The following TMEM94 variants were observed in gnomAD, a reference collection of about 807,000 sequenced individuals.
The protein encoded by TMEM94 is ER Mg2+ ATPase.
Under a neutral mutation model 158.6 loss-of-function variants are expected in TMEM94, and 81 were observed. The ratio of observed to expected loss-of-function variants is 0.51; its 90% CI spans 0.43 to 0.61. The LOEUF (loss-of-function observed/expected upper bound fraction) is 0.61. TMEM94 is among the 20% of genes least tolerant of loss of function. The probability of loss-of-function intolerance (pLI) is 0.00; values close to 1 mark genes in which losing one functional copy is unlikely to be tolerated. For synonymous variants in TMEM94, 751 were observed against 730.7 expected (o/e 1.03, Z -0.45); for missense variants, 1,435 against 1,762.0 (o/e 0.81, Z 3.32).
chr17:75,468,995 C>T (rs898060387), intron 1 of TMEM94, among the ~76,000 whole-genome samples: 2 of 152,086 alleles, frequency 1.3e-5, no homozygotes, highest in East Asian at 3.8e-4. Context: ...ATTAGAGTGA[C>T]GGCTGCCAGG....
At chr17:75,490,629 C>A in intron 10 of TMEM94, 73 bp from the exon 11 acceptor site, 2 of 1,397,248 alleles carry the variant, frequency 1.4e-6, no homozygotes, top group Non-Finnish European at 2.0e-6. Context: ...TGGGCCCCCC[C>A]TCTGCCAGCT....
chr17:75,467,278 C>A (rs1176476219), intron 1 of TMEM94, among the ~76,000 whole-genome samples: 1 of 151,496 alleles, frequency 6.6e-6, no homozygotes, highest in Non-Finnish European at 1.5e-5. Context: ...CCCAGCCATG[C>A]TGTTTTTATA....
Position 75,498,660 on chromosome 17 carries a change from C to A in TMEM94, c.3765C>A (p.Thr1255=). 1 of 1,603,192 alleles carries A rather than the reference C, an allele frequency of 6.2e-7. No homozygotes were observed. The highest frequency in any genetic ancestry group is 1.3e-5 in the African/African-American group (1 of 74,816). ...TTTCCATCACCCATGTGCATCGCAC[C>A]AAGCCCCTGTGGAGAAAGAGCCCCT... is the stretch of plus-strand genomic sequence containing the variant. ...VFISITHVHR[T]KPLWRKSPLT... is the part of the protein sequence containing the mutation. Residue 1255 remains threonine, a synonymous_variant, in exon 30 of 32, where the codon ACC becomes ACA. Transcript: ENST00000314256. The surrounding 1 kb of genome is among the most constrained non-coding windows in gnomAD (Gnocchi z 6.7).
intron 2 of TMEM94, among the ~76,000 whole-genome samples, chr17:75,479,330 T>A (rs1438950025): frequency 2.6e-5 from 4 of 151,884 alleles, no homozygotes; most frequent in Non-Finnish European, 4.4e-5. Context: ...TTATTATTAT[T>A]ATTTTTTGAG....
At chr17:75,480,272 C>T (rs1023123297) in intron 2 of TMEM94, among the ~76,000 whole-genome samples, 1 of 152,222 alleles carries the variant, frequency 6.6e-6, no homozygotes, top group African/African-American at 2.4e-5. Flanking sequence ...CCTGTGCGGG[C>T]AAGAGCTTCC....
At chr17:75,488,202 C>A in intron 6 of TMEM94, 68 bp downstream of exon 6, 1 of 1,407,812 alleles carries the variant, frequency 7.1e-7, no homozygotes, top group Admixed American at 1.8e-5. Context: ...ATGGGAGGGT[C>A]CCCAGACTTC....
chr17:75,495,094 G>A lies in TMEM94; in HGVS notation c.2728+60G>A. On this transcript the variant is annotated intron_variant, in intron 20 of 31. Coordinates refer to ENST00000314256, the MANE Select transcript of TMEM94 (RefSeq NM_014738.6). The surrounding 1 kb of genome is among the most constrained non-coding windows in gnomAD (Gnocchi z 5.6). ...CGGTGGGAGGATTCCCCTCCTCAGAGCCACAGCCAGGAAGAGCCTCCGGAG... is the reference window on the plus strand; with the variant it reads ...CGGTGGGAGGATTCCCCTCCTCAGAACCACAGCCAGGAAGAGCCTCCGGAG... 6.3e-7 allele frequency: 1 copy of A among 1,588,362 alleles called. No individual in the cohort carries two copies. The highest frequency in any genetic ancestry group is 8.6e-7 in the Non-Finnish European group (1 of 1,166,354).
chr17:75,476,605 C>T, intron 2 of TMEM94: 1 of 1,510,726 alleles, frequency 6.6e-7, no homozygotes, highest in South Asian at 1.2e-5. Flanking sequence ...CTCCTCTTCT[C>T]TCTCTCTCTC....
In TMEM94 at chr17:75,498,484, A is replaced by G; in HGVS notation, c.3679A>G (p.Asn1227Asp). Residue 1227 changes from asparagine (N) to aspartate (D), a missense_variant, in exon 29 of 32, where the codon AAT becomes GAT. Coordinates refer to ENST00000314256, the MANE Select transcript of TMEM94 (RefSeq NM_014738.6). The surrounding 1 kb of genome is among the most constrained non-coding windows in gnomAD (Gnocchi z 6.7). ...RAPAWFEDFA[N>D]GLLSAQKLTA... Reference sequence around the variant, plus strand: ...TCCAGCCTGGTTTGAGGACTTTGCCAATGGACTGCTGTCGGCTCAGAAGCT... The same window carrying G: ...TCCAGCCTGGTTTGAGGACTTTGCCGATGGACTGCTGTCGGCTCAGAAGCT... 6.3e-7 allele frequency: 1 copy of G among 1,591,668 alleles called. No individual in the cohort carries two copies. Among genetic ancestry groups the G allele is most frequent in the South Asian group, 1.1e-5 (1 of 87,498 alleles).
chr17:75,497,476 CCT>C (rs761771510), intron 26 of TMEM94, among the ~76,000 whole-genome samples: 1 of 151,858 alleles, frequency 6.6e-6, no homozygotes, highest in Non-Finnish European at 1.5e-5. Flanking sequence ...GCCTCAGCCC[CCT>C]GAGTAGCTGG....
chr17:75,490,487 G>A lies in TMEM94; in HGVS notation c.1071+137G>A, dbSNP rs1207590703. On this transcript the variant is annotated intron_variant, in intron 10 of 31. Coordinates refer to ENST00000314256, the MANE Select transcript of TMEM94 (RefSeq NM_014738.6). Reference sequence around the variant, plus strand: ...CAGCCTGGGCAGCTCTCCAGGCCTCGGGCCCTCTCCATTCCAGAAGGGCCT... The same window carrying A: ...CAGCCTGGGCAGCTCTCCAGGCCTCAGGCCCTCTCCATTCCAGAAGGGCCT... 2.6e-5 allele frequency: 27 copies of A among 1,042,266 alleles called. No individual in the cohort carries two copies. The Admixed American group carries it at 4.2e-4, about 16-fold the overall frequency. The allele number at this position is 1,042,266 out of a possible 1,614,324, so 64.6% of individuals were successfully genotyped here.
At chr17:75,479,502 T>G (rs2050986317) in intron 2 of TMEM94, among the ~76,000 whole-genome samples, 1 of 151,946 alleles carries the variant, frequency 6.6e-6, no homozygotes, top group South Asian at 2.1e-4. Flanking sequence ...GTATTTTTAA[T>G]AGAGACAGGG....
chr17:75,459,653 C>T lies in TMEM94; in HGVS notation c.-107+2902C>T, dbSNP rs115255564. On this transcript the variant is annotated intron_variant, in intron 1 of 31. Transcript: ENST00000314256. ...TACACCCAAGGCTGTATGTATTTAGCTTAATCTGATGAATCAGGTTGAACT... is the reference window on the plus strand; with the variant it reads ...TACACCCAAGGCTGTATGTATTTAGTTTAATCTGATGAATCAGGTTGAACT... The T allele has an allele frequency of 3.7e-3, 566 of 152,250 alleles. 6 individuals are homozygous for T. The highest frequency in any genetic ancestry group is 0.013 in the African/African-American group (550 of 41,542). 9.4% of individuals were successfully genotyped at this position (152,250 alleles called of 1,614,324 possible).
Position 75,489,169 on chromosome 17 carries a change from G to C in TMEM94, c.765-97G>C. 8.2e-7 allele frequency: 1 copy of C among 1,214,482 alleles called. No individual in the cohort carries two copies. The highest frequency in any genetic ancestry group is 1.3e-5 in the South Asian group (1 of 76,432). 75.2% of individuals were successfully genotyped at this position (1,214,482 alleles called of 1,614,324 possible). A position where few individuals can be genotyped will look rare whatever the true frequency, so the allele number is the denominator to read the frequency against. On this transcript the variant is annotated intron_variant, in intron 7 of 31. Transcript: ENST00000314256. This position sits in a 1 kb window ranked among gnomAD's most constrained non-coding sequence, Gnocchi z 5.0. ...TGGAACTGCAGGACTCACGGTGCTT[G>C]AAGAAGCGGTATCTGGCAGAGAGGC...
chr17:75,490,629 CT>C lies in TMEM94; in HGVS notation c.1072-72del, dbSNP rs2052083490. 14 of 1,397,248 alleles carry C rather than the reference CT, an allele frequency of 1.0e-5. No homozygotes were observed. In the Middle Eastern group the frequency reaches 5.4e-4, roughly 54 times the overall value. 86.6% of individuals were successfully genotyped at this position (1,397,248 alleles called of 1,614,324 possible). ...GGAGCCCCGCTGGTGTGGGCCCCCC[CT>C]CTGCCAGCTTGGAGAGGCCTGTGTG... On this transcript the variant is annotated intron_variant, in intron 10 of 31. Transcript: ENST00000314256.
rs1476932780 is a variant in TMEM94 at position 75,495,898 on chromosome 17, G to C, written c.2945-68G>C. 2 of 1,161,708 alleles carry C rather than the reference G, an allele frequency of 1.7e-6. No homozygotes were observed. Among genetic ancestry groups the C allele is most frequent in the Non-Finnish European group, 2.6e-6 (2 of 783,776 alleles). The allele number at this position is 1,161,708 out of a possible 1,614,324, so 72.0% of individuals were successfully genotyped here. On this transcript the variant is annotated intron_variant, in intron 22 of 31. Coordinates refer to ENST00000314256, the MANE Select transcript of TMEM94 (RefSeq NM_014738.6). The surrounding 1 kb of genome is among the most constrained non-coding windows in gnomAD (Gnocchi z 5.6). ...TCGCCTCCTGCTCTCCTGTCCCATG[G>C]GTCTCTGCCCAGTGCCCACTTGGTG...
chr17:75,477,607 CAT>C (rs918462589), intron 2 of TMEM94, among the ~76,000 whole-genome samples: 2 of 152,162 alleles, frequency 1.3e-5, no homozygotes, highest in African/African-American at 4.8e-5. Context: ...GGTCTAAATT[CAT>C]AACCTGTCTA....
In TMEM94 at chr17:75,485,461, C is replaced by G. The variant is rs548664808; in HGVS notation, c.58C>G (p.Arg20Gly). 1 of 1,614,108 alleles carries G rather than the reference C, an allele frequency of 6.2e-7. No homozygotes were observed. Among genetic ancestry groups the G allele is most frequent in the South Asian group, 1.1e-5 (1 of 91,080 alleles). The stretch of plus-strand genomic sequence containing the variant: ...TCCCTCAGCCCTGGGCCTGTCCACG[C>G]GGAAGGCCCTCAGCGTCCTGAAGGA... ...EPPSALGLST[R>G]KALSVLKEQL... Residue 20 changes from arginine (R) to glycine (G), a missense_variant, in exon 3 of 32, where the codon CGG becomes GGG. Physicochemically the swap from Arg to Gly is moderately radical, Grantham distance 125. Transcript: ENST00000314256. The surrounding 1 kb of genome is among the most constrained non-coding windows in gnomAD (Gnocchi z 5.5).
intron 24 of TMEM94, 106 bp from the exon 25 acceptor site, chr17:75,496,624 C>T (rs1598436304): frequency 8.5e-6 from 12 of 1,405,954 alleles, no homozygotes; most frequent in African/African-American, 1.4e-5. Context: ...CTGCTCCCCT[C>T]GTAGAAGCAT....
Sources: gnomAD v4.1 joint callset for allele counts (sites outside exome capture counted in the v4.1 genomes callset) on GRCh38, gnomAD v4.1.1 for gene constraint, Gnocchi (gnomAD v3.1) non-coding constraint, MANE v1.5 for transcripts, NCBI Gene and HGNC (gene_info 2026-07-23, HGNC 2026-07-21) for gene names.